The following RIOK1 variants were observed in gnomAD, a reference collection of about 807,000 sequenced individuals.
RIOK1 encodes the protein RIO kinase 1.
A neutral mutation model predicts 73.5 loss-of-function variants in RIOK1; 66 were observed. The ratio of observed to expected loss-of-function variants is 0.90; its 90% confidence interval spans 0.74 to 1.10. The LOEUF (loss-of-function observed/expected upper bound fraction) is 1.10. Ranked by LOEUF, RIOK1 falls within the 50% of genes least tolerant of loss-of-function variation. The pLI, the probability that RIOK1 is intolerant of heterozygous loss-of-function variation, is 0.00. For synonymous variants in RIOK1, 224 were observed against 226.8 expected (o/e 0.99, Z 0.11); for missense variants, 658 against 699.8 (o/e 0.94, Z 0.67).
intron 12 of RIOK1, among the ~76,000 whole-genome samples, chr6:7,406,475 G>A (rs1040892135): frequency 1.3e-5 from 2 of 152,050 alleles, no homozygotes; most frequent in African/African-American, 4.8e-5. Flanking sequence ...CTGATATTCT[G>A]TACCCATTAA....
intron 16 of RIOK1, among the ~76,000 whole-genome samples, chr6:7,415,822 A>G (rs1168880433): frequency 1.3e-5 from 2 of 152,260 alleles, no homozygotes; most frequent in Non-Finnish European, 2.9e-5. Flanking sequence ...TCACATGAGT[A>G]TGATACTGTG....
At chr6:7,410,172 T>G (rs1357397001) in intron 12 of RIOK1, among the ~76,000 whole-genome samples, 2 of 151,788 alleles carry the variant, frequency 1.3e-5, no homozygotes, top group Non-Finnish European at 2.9e-5. Flanking sequence ...GCTAGAAGAG[T>G]TTGATTTATT....
chr6:7,390,933 A>C (rs1030695502), intron 1 of RIOK1, among the ~76,000 whole-genome samples: 1 of 152,216 alleles, frequency 6.6e-6, no homozygotes, highest in Non-Finnish European at 1.5e-5. Context: ...CAGTTCAAAA[A>C]TAATAAGGTA....
intron 4 of RIOK1, among the ~76,000 whole-genome samples, chr6:7,398,142 AAAAC>A (rs1291423091): frequency 6.6e-6 from 1 of 152,194 alleles, no homozygotes; most frequent in Non-Finnish European, 1.5e-5. Context: ...ACTCCATCTC[AAAAC>A]AAACAAACAA....
chr6:7,403,003 T>A (rs1761651832), intron 8 of RIOK1, 106 bp downstream of exon 8: 1 of 867,668 alleles, frequency 1.2e-6, no homozygotes, highest in Admixed American at 2.9e-5. Context: ...TAGGGACTTG[T>A]TAGGGCCTTT....
At chr6:7,414,417 T>C (rs1281509972) in intron 16 of RIOK1, 27 bp downstream of exon 16, 1 of 1,584,574 alleles carries the variant, frequency 6.3e-7, no homozygotes, top group Non-Finnish European at 8.6e-7. Context: ...CTTCCCCTTT[T>C]CTTTAGTGTG....
chr6:7,405,053 C>T (rs776391332), intron 11 of RIOK1, 32 bp downstream of exon 11: 1 of 1,556,702 alleles, frequency 6.4e-7, no homozygotes, highest in Non-Finnish European at 8.8e-7. Context: ...CGAAACAGCT[C>T]ATTGGTCTGT....
At position 7,391,682 on chromosome 6, in the gene RIOK1, G is replaced by A. The variant is rs560443640; in HGVS notation, c.72-1417G>A. ...GGGACTTTTGGCAATTTCTGGAGACGTTTTTGTATGTCACAGCTGGGGGTG... is the reference window on the plus strand; with the variant it reads ...GGGACTTTTGGCAATTTCTGGAGACATTTTTGTATGTCACAGCTGGGGGTG... On this transcript the variant is annotated intron_variant, in intron 1 of 16. Coordinates refer to ENST00000379834, the MANE Select transcript of RIOK1 (RefSeq NM_031480.3). Among the ~76,000 whole-genome samples, 42 of 152,302 alleles carry A rather than the reference G, an allele frequency of 2.8e-4. 1 individual carries two copies. The South Asian group carries it at 6.2e-3, about 23-fold the overall frequency.
chr6:7,395,104 GACAAGGTCTT>G lies in RIOK1; in HGVS notation c.331_340del (p.Lys111GlyfsTer9). 1 of 1,613,844 alleles carries G rather than the reference GACAAGGTCTT, an allele frequency of 6.2e-7. No individual in the cohort carries two copies. The highest frequency in any genetic ancestry group is 8.5e-7 in the Non-Finnish European group (1 of 1,179,816). On this transcript the variant is annotated frameshift_variant, in exon 3 of 17. Coordinates refer to ENST00000379834, the MANE Select transcript of RIOK1 (RefSeq NM_031480.3). LOFTEE classifies it high-confidence loss of function. ...TTCAGCCAAAATGTCTACTCCAGCA[GACAAGGTCTT>G]ACGGAAATTTGAGAATAAAATTAAT...
intron 4 of RIOK1, 112 bp downstream of exon 4, chr6:7,396,884 A>T: frequency 1.8e-6 from 1 of 547,740 alleles, no homozygotes; most frequent in Non-Finnish European, 3.2e-6. Flanking sequence ...TAAACCAATC[A>T]TTATTTTGGT....
intron 10 of RIOK1, 31 bp downstream of exon 10, chr6:7,404,586 T>C (rs758971804): frequency 1.2e-6 from 2 of 1,603,516 alleles, no homozygotes; most frequent in East Asian, 2.2e-5. Flanking sequence ...AAGAACTGCC[T>C]GTCAGTTGTT....
chr6:7,414,217 T>C (rs373541156), intron 15 of RIOK1, 21 bp from the exon 16 acceptor site: 179 of 1,594,232 alleles, frequency 1.1e-4, no homozygotes, highest in Admixed American at 8.6e-4. Context: ...TAGAATAACA[T>C]GGTTCTTTAA....
At chr6:7,402,930 A>G (rs756154726) in intron 8 of RIOK1, 33 bp downstream of exon 8, 5 of 1,589,842 alleles carry the variant, frequency 3.1e-6, no homozygotes, top group East Asian at 4.5e-5. Context: ...TGTCTGTCCT[A>G]TGCCCTGTAC....
chr6:7,403,800 G>A, intron 8 of RIOK1, 141 bp from the exon 9 acceptor site: 1 of 557,870 alleles, frequency 1.8e-6, no homozygotes, highest in East Asian at 2.9e-5. Context: ...TAATCTTAGA[G>A]TTTATGAAAT....
chr6:7,408,093 A>G (rs902856137), intron 12 of RIOK1, among the ~76,000 whole-genome samples: 9 of 151,858 alleles, frequency 5.9e-5, no homozygotes, highest in African/African-American at 1.9e-4. Context: ...CTGGAGTGCA[A>G]TGGCACAATC....
chr6:7,405,403 A>G (rs758596005), intron 12 of RIOK1, 48 bp downstream of exon 12: 2 of 1,096,768 alleles, frequency 1.8e-6, no homozygotes, highest in East Asian at 4.7e-5. Flanking sequence ...GTACAGGTGC[A>G]GTATCTCTTA....
In RIOK1 at chr6:7,416,396, C is replaced by A. The variant is rs916624592; in HGVS notation, c.1597-935C>A. Among the ~76,000 whole-genome samples, 14 of 152,194 alleles carry A rather than the reference C, an allele frequency of 9.2e-5. 1 individual carries two copies. Among genetic ancestry groups the A allele is most frequent in the Non-Finnish European group, 7.3e-5 (5 of 68,036 alleles). On this transcript the variant is annotated intron_variant, in intron 16 of 16. Coordinates refer to ENST00000379834, the MANE Select transcript of RIOK1 (RefSeq NM_031480.3). ...GGGCGCGGTGGCTCACGCCTGTAAT[C>A]CCATCACTTTGGGAGGCCAAGGCAG...
intron 2 of RIOK1, among the ~76,000 whole-genome samples, chr6:7,394,045 C>G (rs1207700101): frequency 6.6e-6 from 1 of 152,202 alleles, no homozygotes; most frequent in Non-Finnish European, 1.5e-5. Context: ...ACTGGAAGTA[C>G]CAAGTGTGTT....
At chr6:7,410,683 A>G (rs1393549317) in intron 13 of RIOK1, among the ~76,000 whole-genome samples, 1 of 152,216 alleles carries the variant, frequency 6.6e-6, no homozygotes, top group Non-Finnish European at 1.5e-5. Context: ...TCCTAGATGG[A>G]GAAAATTTTT....
Sources: gnomAD v4.1 joint callset for allele counts (sites outside exome capture counted in the v4.1 genomes callset) on GRCh38, gnomAD v4.1.1 for gene constraint, MANE v1.5 for transcripts, NCBI Gene and HGNC (gene_info 2026-07-23, HGNC 2026-07-21) for gene names.